The following GRID1 variants were observed in gnomAD, a reference collection of about 807,000 sequenced individuals.
GRID1 encodes the protein glutamate ionotropic receptor delta type subunit 1, also known as glutamate receptor ionotropic, delta-1.
A neutral mutation model predicts 98.0 loss-of-function variants in GRID1; 28 were observed. The observed-to-expected ratio is 0.29, with a 90% confidence interval of 0.21 to 0.39. The LOEUF (loss-of-function observed/expected upper bound fraction) is 0.39, where lower values mean the gene tolerates loss of function less well. GRID1 is among the 10% of genes least tolerant of loss of function. The pLI is 1.00. For synonymous variants in GRID1, 553 were observed against 538.5 expected, an observed-to-expected ratio of 1.03 and a Z score of -0.37; for missense variants, 1,111 against 1,340.5, an observed-to-expected ratio of 0.83 and a Z score of 2.67.
chr10:85,923,195 A>G (rs1419639481), intron 4 of GRID1, among the ~76,000 whole-genome samples: 2 of 152,008 alleles, frequency 1.3e-5, no homozygotes, highest in Non-Finnish European at 2.9e-5. Flanking sequence ...CTTGAAGTCC[A>G]AGGCCCCCAC....
chr10:85,761,456 G>A (rs149609334), intron 8 of GRID1, among the ~76,000 whole-genome samples: 205 of 152,296 alleles, frequency 1.3e-3, no homozygotes, highest in African/African-American at 4.7e-3. Context: ...GGGGACTAGA[G>A]AGCCAATGCT....
intron 4 of GRID1, among the ~76,000 whole-genome samples, chr10:85,995,552 T>C (rs1009724276): frequency 5.3e-5 from 8 of 152,212 alleles, no homozygotes; most frequent in Non-Finnish European, 8.8e-5. Context: ...CCCCTGAACA[T>C]AGTCATAAAA....
intron 2 of GRID1, among the ~76,000 whole-genome samples, chr10:86,265,224 C>T (rs1347634816): frequency 6.6e-6 from 1 of 152,172 alleles, no homozygotes; most frequent in Non-Finnish European, 1.5e-5. Context: ...CCTCGTTCAC[C>T]TCCCACTCCA....
chr10:85,819,689 G>A (rs572114368), intron 8 of GRID1, among the ~76,000 whole-genome samples: 10 of 151,888 alleles, frequency 6.6e-5, no homozygotes, highest in Non-Finnish European at 8.8e-5. Flanking sequence ...AGAGGCAGGC[G>A]GATCACTTGA....
chr10:86,087,166 A>ATCTG (rs1844072270), intron 4 of GRID1, among the ~76,000 whole-genome samples: 1 of 152,062 alleles, frequency 6.6e-6, no homozygotes, highest in Non-Finnish European at 1.5e-5. Context: ...CACACTTCCC[A>ATCTG]TCTGGGTCTT....
intron 8 of GRID1, among the ~76,000 whole-genome samples, chr10:85,800,674 G>A (rs1200542544): frequency 6.6e-6 from 1 of 151,874 alleles, no homozygotes; most frequent in Non-Finnish European, 1.5e-5. Context: ...AAATATACAA[G>A]GAAGGAGATA....
intron 8 of GRID1, among the ~76,000 whole-genome samples, chr10:85,819,972 AG>A: frequency 3.0e-5 from 1 of 33,890 alleles, no homozygotes; most frequent in Admixed American, 2.9e-4. Flanking sequence ...AGAGAGAGGA[AG>A]GAAGGAAGGA....
chr10:85,795,374 A>C (rs963626349), intron 8 of GRID1, among the ~76,000 whole-genome samples: 1 of 152,336 alleles, frequency 6.6e-6, no homozygotes, highest in East Asian at 1.9e-4. Flanking sequence ...GTTCTGCAGC[A>C]TGTCAGTCTT....
At chr10:85,759,395 A>T (rs1489882275) in intron 8 of GRID1, among the ~76,000 whole-genome samples, 1 of 152,172 alleles carries the variant, frequency 6.6e-6, no homozygotes, top group African/African-American at 2.4e-5. Context: ...TTGGGAAAAG[A>T]CCTGGAGCCC....
At chr10:85,818,622 TAAA>T (rs1842736177) in intron 8 of GRID1, among the ~76,000 whole-genome samples, 1 of 151,606 alleles carries the variant, frequency 6.6e-6, no homozygotes, top group Admixed American at 6.6e-5. Context: ...CATGAGAAAA[TAAA>T]GAAGTCCTCA....
At chr10:86,312,381 G>A (rs1422469672) in intron 2 of GRID1, among the ~76,000 whole-genome samples, 1 of 152,146 alleles carries the variant, frequency 6.6e-6, no homozygotes, top group African/African-American at 2.4e-5. Flanking sequence ...CTCACCCATC[G>A]CCTCCCAAGG....
chr10:86,111,056 C>G (rs1844473939), intron 4 of GRID1, among the ~76,000 whole-genome samples: 1 of 152,246 alleles, frequency 6.6e-6, no homozygotes, highest in Non-Finnish European at 1.5e-5. Flanking sequence ...TTGGGCAGAT[C>G]TGCTCCTCAC....
chr10:86,015,444 T>C (rs1397718099), intron 4 of GRID1, among the ~76,000 whole-genome samples: 1 of 152,258 alleles, frequency 6.6e-6, no homozygotes. Flanking sequence ...CTGGCAGCTA[T>C]GGCAAAAGGT....
chr10:86,216,792 G>C (rs1194179261), intron 2 of GRID1, among the ~76,000 whole-genome samples: 1 of 152,154 alleles, frequency 6.6e-6, no homozygotes, highest in Non-Finnish European at 1.5e-5. Flanking sequence ...AGAGAGGGTG[G>C]AGACTTGGGC....
At position 85,640,944 on chromosome 10, in the gene GRID1, G is replaced by A. The variant is rs141260178; in HGVS notation, c.2193+6258C>T. On this transcript the variant is annotated intron_variant, in intron 13 of 15. Coordinates refer to ENST00000327946, the MANE Select transcript of GRID1 (RefSeq NM_017551.3). ...CCACCTTTTGTTACCACCAAATGCT[G>A]GCCTAAAAAGATACTTCCCTCTGAA... 4.9e-3 allele frequency among the ~76,000 whole-genome samples: 740 copies of A among 152,280 alleles called. 7 individuals are homozygous for A. Among genetic ancestry groups the A allele is most frequent in the African/African-American group, 0.017 (710 of 41,568 alleles).
At chr10:85,902,860 C>T (rs1458930642) in intron 5 of GRID1, among the ~76,000 whole-genome samples, 1 of 152,108 alleles carries the variant, frequency 6.6e-6, no homozygotes, top group African/African-American at 2.4e-5. Flanking sequence ...CCTCTCCTTC[C>T]CTTTGAAATG....
chr10:85,768,967 G>C (rs1242691536), intron 8 of GRID1, among the ~76,000 whole-genome samples: 1 of 152,154 alleles, frequency 6.6e-6, no homozygotes, highest in Non-Finnish European at 1.5e-5. Flanking sequence ...ACTCTTTTCA[G>C]AAGATTGGAA....
At chr10:86,083,506 C>T (rs1844007192) in intron 4 of GRID1, among the ~76,000 whole-genome samples, 1 of 152,228 alleles carries the variant, frequency 6.6e-6, no homozygotes, top group Non-Finnish European at 1.5e-5. Context: ...GTCAAGAAGT[C>T]TGATCCTTAA....
intron 4 of GRID1, among the ~76,000 whole-genome samples, chr10:86,017,536 A>G (rs1842994854): frequency 6.6e-6 from 1 of 152,132 alleles, no homozygotes; most frequent in African/African-American, 2.4e-5. Context: ...TTCTCCAGCC[A>G]CCTTCCCCAA....
Sources: allele counts gnomAD v4.1 joint callset (sites outside exome capture counted in the v4.1 genomes callset), GRCh38; gene constraint gnomAD v4.1.1; transcripts MANE v1.5; gene names NCBI Gene and HGNC (gene_info 2026-07-23, HGNC 2026-07-21).